The following CUBN variants were observed in gnomAD, a reference collection of about 807,000 sequenced individuals.
CUBN encodes the protein cubilin, also known as 460 kDa receptor.
Under a neutral mutation model 405.3 loss-of-function variants are expected in CUBN, and 282 were observed. The ratio of observed to expected loss-of-function variants is 0.70; its 90% CI spans 0.63 to 0.77. The LOEUF (loss-of-function observed/expected upper bound fraction) is 0.77. Among genes scored for constraint, CUBN ranks in the 30% least tolerant of loss-of-function variants. The pLI is 0.00. For synonymous variants in CUBN, 1,684 were observed against 1,617.0 expected (o/e 1.04, Z -0.99); for missense variants, 4,514 against 4,475.2 (o/e 1.01, Z -0.25).
rs1376992603 is a variant in CUBN, at chr10:16,940,071, A to G, written c.5509T>C (p.Ser1837Pro). 1.2e-6 allele frequency: 2 copies of G among 1,614,112 alleles called. No homozygotes were observed. The highest frequency in any genetic ancestry group is 1.3e-5 in the African/African-American group (1 of 75,046). ...GCCTGGAAGCCCGTGCCGCTGCCAG[A>G]ACCATCTGAGATAAATCTGACCCAC... ...TLWVRFISDG[S>P]GSGTGFQATF... is the part of the protein sequence containing the mutation. Residue 1837 changes from serine (S) to proline (P), a missense_variant, in exon 37 of 67, where the codon TCT becomes CCT. This residue lies in a region of CUBN where 1,613 missense variants were observed against 1,542.8 expected (regional missense o/e 1.05). Transcript: ENST00000377833.
At chr10:17,060,997 T>C (rs778748899) in intron 22 of CUBN, among the ~76,000 whole-genome samples, 2 of 152,018 alleles carry the variant, frequency 1.3e-5, no homozygotes, top group Non-Finnish European at 2.9e-5. Context: ...TGCAGTGAGC[T>C]GAGATATTGC....
At chr10:16,840,013 C>T (rs1458270766) in intron 62 of CUBN, among the ~76,000 whole-genome samples, 1 of 140,266 alleles carries the variant, frequency 7.1e-6, no homozygotes, top group Non-Finnish European at 1.5e-5. Flanking sequence ...GGGAATTGAA[C>T]AATCGGAACA....
At position 17,085,862 on chromosome 10, in the gene CUBN, C is replaced by T. The variant is rs150190342; in HGVS notation, c.1948-103G>A. The T allele has an allele frequency of 3.0e-4, 333 of 1,117,878 alleles. 1 individual carries two copies. The African/African-American group carries it at 4.4e-3, about 15-fold the overall frequency. 69.2% of individuals were successfully genotyped at this position (1,117,878 alleles called of 1,614,324 possible). A position where few individuals can be genotyped will look rare whatever the true frequency, so the allele number is the denominator to read the frequency against. ...ATAAAATCTATCATTTAAAAGTGAT[C>T]GCTCAAGGAAGTTTCCCCATCACAT... On this transcript the variant is annotated intron_variant, in intron 15 of 66. Coordinates refer to ENST00000377833, the MANE Select transcript of CUBN (RefSeq NM_001081.4).
At chr10:17,016,560 GATC>G (rs1834333595) in intron 28 of CUBN, among the ~76,000 whole-genome samples, 2 of 152,136 alleles carry the variant, frequency 1.3e-5, no homozygotes, top group South Asian at 4.1e-4. Flanking sequence ...TACCTATCAG[GATC>G]ATCTGAAAAC....
At chr10:17,054,192 A>G (rs1048945042) in intron 22 of CUBN, among the ~76,000 whole-genome samples, 6 of 151,772 alleles carry the variant, frequency 4.0e-5, no homozygotes, top group East Asian at 3.9e-4. Context: ...TTAACCAGGC[A>G]TGGTGGCGAG....
At chr10:16,929,264 C>G (rs114170761) in intron 40 of CUBN, among the ~76,000 whole-genome samples, 239 of 152,240 alleles carry the variant, frequency 1.6e-3, no homozygotes, top group African/African-American at 5.2e-3. Context: ...GGGCACCACA[C>G]GTCTCCTTTC....
chr10:16,906,157 G>C lies in CUBN; in HGVS notation c.7912+46C>G, dbSNP rs367579843. ...GCGACAACAACAAAAAAGATAAAAA[G>C]AATATTGTAGATAAATGGGAAAACG... is the stretch of plus-strand genomic sequence containing the variant. On this transcript the variant is annotated intron_variant, in intron 50 of 66. Coordinates refer to ENST00000377833, the MANE Select transcript of CUBN (RefSeq NM_001081.4). The C allele has an allele frequency of 2.1e-6, 3 of 1,403,602 alleles. No homozygotes were observed. The African/African-American group carries it at 4.2e-5, about 20-fold the overall frequency. 86.9% of individuals were successfully genotyped at this position (1,403,602 alleles called of 1,614,324 possible).
In CUBN at chr10:16,841,062, AATTC is replaced by A. The variant is rs770456995; in HGVS notation, c.9664-19_9664-16del. 6.2e-6 allele frequency: 10 copies of A among 1,613,340 alleles called. No individual in the cohort carries two copies. In the African/African-American group the frequency reaches 9.3e-5, roughly 15 times the overall value. The stretch of plus-strand genomic sequence containing the variant: ...CCATCATATAACTGAGAAGAAAAAC[AATTC>A]ATTACTTCTCCATTACTTACAAAAA... On this transcript the variant is annotated splice_polypyrimidine_tract_variant and intron_variant, in intron 60 of 66. Coordinates refer to ENST00000377833, the MANE Select transcript of CUBN (RefSeq NM_001081.4).
chr10:17,102,732 G>A (rs978802193), intron 13 of CUBN, among the ~76,000 whole-genome samples: 3 of 148,658 alleles, frequency 2.0e-5, no homozygotes, highest in South Asian at 2.2e-4. Flanking sequence ...TCAGCCTCCC[G>A]AGTAGCTGGG....
Position 16,888,492 on chromosome 10 carries a change from T to C in CUBN, c.8830A>G (p.Met2944Val), listed in dbSNP as rs146572783. 1.9e-6 allele frequency: 3 copies of C among 1,613,190 alleles called. No homozygotes were observed. The African/African-American group carries it at 4.0e-5, about 22-fold the overall frequency. ...GCCTCTATGACATAGGTGCAATTCA[T>C]GTTGTTGTCATATTGTTTTGGGTAA... ...PNYPKQYDNN[M>V]NCTYVIEANP... Residue 2944 changes from methionine to valine, a missense_variant, in exon 56 of 67, where the codon ATG (methionine) becomes GTG (valine). Coordinates refer to ENST00000377833, the MANE Select transcript of CUBN (RefSeq NM_001081.4).
chr10:16,883,475 C>G (rs556834495), intron 56 of CUBN, among the ~76,000 whole-genome samples: 2 of 152,146 alleles, frequency 1.3e-5, no homozygotes, highest in Non-Finnish European at 2.9e-5. Context: ...TTAGAAACAA[C>G]TGAGAAAGCA....
chr10:16,952,861 C>T (rs757398318), intron 32 of CUBN, among the ~76,000 whole-genome samples: 1 of 152,072 alleles, frequency 6.6e-6, no homozygotes. Context: ...CGCTGGAGGG[C>T]GTAAGAGGAG....
Position 16,925,339 on chromosome 10 carries a change from G to A in CUBN, c.6548C>T (p.Thr2183Ile), listed in dbSNP as rs1842153550. ...CATTTGATTATCCGAGGTGAACAGA[G>A]TTGATGAAGCATGACTGCCACAAAA... ...GHFCGSHASS[T>I]LFTSDNQMFV... Residue 2183 changes from threonine (T) to isoleucine (I), a missense_variant, in exon 43 of 67, where the codon ACT (threonine) becomes ATT (isoleucine). Transcript: ENST00000377833. 1 of 1,613,930 alleles carries A rather than the reference G, an allele frequency of 6.2e-7. No homozygotes were observed. The highest frequency in any genetic ancestry group is 8.5e-7 in the Non-Finnish European group (1 of 1,179,842).
Position 16,885,807 on chromosome 10 carries a change from T to C in CUBN, c.8905+2610A>G, listed in dbSNP as rs1840795337. ...ACGGTCTTGTGAGATGCACTGTTTA[T>C]TTAACTTAATGACCACAAACACAAA... On this transcript the variant is annotated intron_variant, in intron 56 of 66. Transcript: ENST00000377833. Among the ~76,000 whole-genome samples the C allele has an allele frequency of 2.0e-5, 3 of 152,356 alleles. No individual in the cohort carries two copies. The South Asian group carries it at 6.2e-4, about 32-fold the overall frequency.
rs775366060 is a variant in CUBN at position 16,939,054 on chromosome 10, G to A, written c.5642C>T (p.Thr1881Ile). ...NYPHNSNYQW[T>I]VNVNASHVVH... ...AACGTGAGATGCATTCACATTTACT[G>A]TCCATTGGTAATTGGAGTTATGTGG... Residue 1881 changes from threonine to isoleucine, a missense_variant, in exon 38 of 67, where the codon ACA becomes ATA. Around this residue, in one of 5 missense-constraint regions of CUBN, gnomAD observed 1,613 missense variants for 1,542.8 expected, o/e 1.05. Transcript: ENST00000377833. 1.2e-6 allele frequency: 2 copies of A among 1,612,546 alleles called. No homozygotes were observed. The highest frequency in any genetic ancestry group is 3.3e-5 in the Admixed American group (2 of 60,000).
intron 43 of CUBN, among the ~76,000 whole-genome samples, chr10:16,924,766 C>T (rs550125171): frequency 4.0e-5 from 6 of 151,814 alleles, no homozygotes; most frequent in South Asian, 4.2e-4. Flanking sequence ...CAAGCAATTA[C>T]AGATATCATG....
chr10:16,898,948 T>A, intron 54 of CUBN, 48 bp downstream of exon 54: 2 of 1,336,666 alleles, frequency 1.5e-6, no homozygotes, highest in South Asian at 2.3e-5. Context: ...TAAACACTAA[T>A]GTTCACAAAA....
intron 29 of CUBN, among the ~76,000 whole-genome samples, chr10:16,987,436 T>C (rs979833185): frequency 1.3e-5 from 2 of 152,250 alleles, no homozygotes; most frequent in African/African-American, 4.8e-5. Context: ...GTTTTGAACA[T>C]TTCTTTCTGC....
chr10:16,943,975 C>A (rs1842719537), intron 36 of CUBN, among the ~76,000 whole-genome samples: 1 of 152,164 alleles, frequency 6.6e-6, no homozygotes, highest in African/African-American at 2.4e-5. Context: ...TAGGCTGGTA[C>A]ATTTTATAAG....
Sources: allele counts gnomAD v4.1 joint callset (sites outside exome capture counted in the v4.1 genomes callset), GRCh38; gene constraint gnomAD v4.1.1; regional missense constraint gnomAD v4.1.1; transcripts MANE v1.5; gene names NCBI Gene and HGNC (gene_info 2026-07-23, HGNC 2026-07-21).